The following TP63 variants were observed in gnomAD, a reference collection of about 807,000 sequenced individuals.
The protein encoded by TP63 is tumor protein p63.
In TP63, 17 loss-of-function variants were observed where a neutral mutation model predicts 82.8. The observed-to-expected ratio is 0.21, with a 90% CI of 0.14 to 0.31. The LOEUF is 0.31. Ranked by LOEUF, TP63 falls within the 10% of genes least tolerant of loss-of-function variation. The probability of loss-of-function intolerance (pLI) is 1.00; values close to 1 mark genes in which losing one functional copy is unlikely to be tolerated. For missense variants in TP63, 648 were observed against 895.3 expected (o/e 0.72, Z 3.52); for synonymous variants, 330 against 321.7 (o/e 1.03, Z -0.28).
chr3:189,872,919 C>G lies in TP63; in HGVS notation c.1273C>G (p.Gln425Glu), dbSNP rs1458504566. 1.9e-6 allele frequency: 3 copies of G among 1,614,046 alleles called. No individual in the cohort carries two copies. Among genetic ancestry groups the G allele is most frequent in the African/African-American group, 2.7e-5 (2 of 74,920 alleles). ...LKIKESLELMQYLPQHTIETY... is the reference protein window; with the variant it reads ...LKIKESLELMEYLPQHTIETY... ...GATCAAAGAGTCCCTGGAACTCATG[C>G]AGTACCTTCCTCAGCACACAATTGA... Residue 425 changes from glutamine to glutamate, a missense_variant, in exon 10 of 14, where the codon CAG becomes GAG. This residue lies in a region of TP63 where 342 missense variants were observed against 425.7 expected (regional missense o/e 0.80). Coordinates refer to ENST00000264731, the MANE Select transcript of TP63 (RefSeq NM_003722.5).
rs76619119 is a variant in TP63 at position 189,801,999 on chromosome 3, C to T, written c.325-6273C>T. 6.3e-3 allele frequency among the ~76,000 whole-genome samples: 963 copies of T among 152,210 alleles called. 8 individuals carry two copies. The highest frequency in any genetic ancestry group is 0.022 in the African/African-American group (921 of 41,516). ...TTGGAAAGATGGTGTTTTAACTTGACGTTTGAATACCAATATATTTTCTTA... is the reference window on the plus strand; with the variant it reads ...TTGGAAAGATGGTGTTTTAACTTGATGTTTGAATACCAATATATTTTCTTA... On this transcript the variant is annotated intron_variant, in intron 3 of 13. Coordinates refer to ENST00000264731, the MANE Select transcript of TP63 (RefSeq NM_003722.5).
chr3:189,879,717 C>T (rs979739494), intron 10 of TP63, among the ~76,000 whole-genome samples: 4 of 151,976 alleles, frequency 2.6e-5, no homozygotes, highest in African/African-American at 9.7e-5. Context: ...CAGTGGTCCT[C>T]GACTGAATCG....
At chr3:189,616,674 TG>T in the TP63 span, among the ~76,000 whole-genome samples, 2 of 152,246 alleles carry the variant, frequency 1.3e-5, no homozygotes, top group African/African-American at 2.4e-5. Context: ...GGTTGACTTA[TG>T]CTTGGTTGAT....
At chr3:189,724,422 A>G (rs1719621250) in intron 1 of TP63, among the ~76,000 whole-genome samples, 1 of 152,154 alleles carries the variant, frequency 6.6e-6, no homozygotes, top group Non-Finnish European at 1.5e-5. Context: ...TGCTGCGCTC[A>G]TCCCCCAAGT....
chr3:189,649,446 G>C (rs1258870046), intron 1 of TP63, among the ~76,000 whole-genome samples: 3 of 146,570 alleles, frequency 2.0e-5, no homozygotes. Context: ...CACAGAAATG[G>C]AAACAACAGA....
intron 12 of TP63, 93 bp from the exon 13 acceptor site, chr3:189,890,696 A>G (rs1720927571): frequency 1.6e-6 from 2 of 1,230,028 alleles, no homozygotes; most frequent in Non-Finnish European, 2.4e-6. Flanking sequence ...ATCCAAGGGC[A>G]AAATATATTG....
At chr3:189,637,583 A>G (rs1711500990) in intron 1 of TP63, among the ~76,000 whole-genome samples, 1 of 152,188 alleles carries the variant, frequency 6.6e-6, no homozygotes, top group Admixed American at 6.6e-5. Context: ...ATGAGAATTC[A>G]AGTCCCTTGA....
intron 4 of TP63, among the ~76,000 whole-genome samples, chr3:189,824,835 A>T (rs1248544587): frequency 2.3e-5 from 2 of 86,628 alleles, no homozygotes; most frequent in South Asian, 3.5e-4. Context: ...TTGTAGGTTT[A>T]AAAAAAAAAA....
rs1445213116 is a variant in TP63 at position 189,894,351 on chromosome 3, G to T, written c.1892G>T (p.Ser631Ile). The change falls in exon 14 of 14, where the codon AGT becomes ATT. Residue 631 changes from serine (S) to isoleucine (I), a missense_variant. Coordinates refer to ENST00000264731, the MANE Select transcript of TP63 (RefSeq NM_003722.5). ...SSASTVSVGS[S>I]ETRGERVIDA... ...GCCTCTACAGTCAGTGTGGGCTCCAGTGAGACCCGGGGTGAGCGTGTTATT... is the reference window on the plus strand; with the variant it reads ...GCCTCTACAGTCAGTGTGGGCTCCATTGAGACCCGGGGTGAGCGTGTTATT... 6.2e-7 allele frequency: 1 copy of T among 1,613,984 alleles called. No individual in the cohort carries two copies. The highest frequency in any genetic ancestry group is 8.5e-7 in the Non-Finnish European group (1 of 1,179,990).
intron 3 of TP63, among the ~76,000 whole-genome samples, chr3:189,762,708 T>C (rs1577367492): frequency 1.3e-5 from 2 of 152,336 alleles, no homozygotes; most frequent in Non-Finnish European, 2.9e-5. Context: ...ATGTCAAGCT[T>C]GTGTACTTAT....
intron 3 of TP63, among the ~76,000 whole-genome samples, chr3:189,745,010 T>A (rs528150069): frequency 8.5e-5 from 13 of 152,216 alleles, no homozygotes; most frequent in Non-Finnish European, 1.3e-4. Context: ...CCGCTGATGC[T>A]GTTTACAACT....
chr3:189,750,347 G>T (rs1026255008), intron 3 of TP63, among the ~76,000 whole-genome samples: 4 of 152,052 alleles, frequency 2.6e-5, no homozygotes, highest in African/African-American at 7.2e-5. Flanking sequence ...GATGAAAAGA[G>T]GTTGGTCAAT....
chr3:189,633,804 A>G (rs1729604907), intron 1 of TP63, among the ~76,000 whole-genome samples: 2 of 152,162 alleles, frequency 1.3e-5, no homozygotes, highest in East Asian at 3.9e-4. Flanking sequence ...AGGTGATGAA[A>G]CATAGCTCTT....
At chr3:189,789,901 A>T in intron 3 of TP63, 1 of 1,471,976 alleles carries the variant, frequency 6.8e-7, no homozygotes, top group Non-Finnish European at 9.0e-7. Context: ...TTATTTTTGT[A>T]AAAAAACTTA....
intron 3 of TP63, among the ~76,000 whole-genome samples, chr3:189,796,221 T>C (rs989392386): frequency 2.6e-5 from 4 of 151,982 alleles, no homozygotes. Context: ...ATTTAAGATA[T>C]TATCTTTGCC....
chr3:189,770,773 T>A (rs1465361307), intron 3 of TP63, among the ~76,000 whole-genome samples: 1 of 152,148 alleles, frequency 6.6e-6, no homozygotes, highest in Non-Finnish European at 1.5e-5. Context: ...CAAGACAAAA[T>A]GTTTGATACT....
At chr3:189,825,913 C>G (rs778803565) in intron 4 of TP63, among the ~76,000 whole-genome samples, 24 of 152,172 alleles carry the variant, frequency 1.6e-4, no homozygotes, top group Non-Finnish European at 2.9e-4. Flanking sequence ...GATTGCTCTT[C>G]CCTGCAGCCT....
At chr3:189,850,674 A>G (rs1290488306) in intron 4 of TP63, among the ~76,000 whole-genome samples, 2 of 152,174 alleles carry the variant, frequency 1.3e-5, no homozygotes, top group African/African-American at 4.8e-5. Flanking sequence ...ACATGTATAC[A>G]TATGTAACAA....
chr3:189,733,903 T>C (rs1720353120), intron 1 of TP63, among the ~76,000 whole-genome samples: 1 of 152,140 alleles, frequency 6.6e-6, no homozygotes, highest in Non-Finnish European at 1.5e-5. Context: ...TCAGATGGTC[T>C]TCTAATTATA....
Sources: gnomAD v4.1 joint callset for allele counts (sites outside exome capture counted in the v4.1 genomes callset) on GRCh38, gnomAD v4.1.1 for gene constraint, gnomAD v4.1.1 regional missense constraint, MANE v1.5 for transcripts, NCBI Gene and HGNC (gene_info 2026-07-23, HGNC 2026-07-21) for gene names.